Variants in RBFOX3 observed in about 807,000 individuals in gnomAD.
The protein encoded by RBFOX3 is RNA binding fox-1 homolog 3.
Under a neutral mutation model 48.7 loss-of-function variants are expected in RBFOX3, and 17 were observed. The observed-to-expected ratio is 0.35, with a 90% CI of 0.24 to 0.52. The LOEUF is 0.52. RBFOX3 is among the 20% of genes least tolerant of loss of function. RBFOX3 has a pLI of 0.94. For synonymous variants in RBFOX3, 212 were observed against 209.5 expected (o/e 1.01, Z -0.10); for missense variants, 382 against 497.5 (o/e 0.77, Z 2.21).
At chr17:79,097,920 C>A (rs1333917960) in intron 9 of RBFOX3, 175 bp from the exon 10 acceptor site, 3 of 648,854 alleles carry the variant, frequency 4.6e-6, no homozygotes, top group East Asian at 2.8e-5. Context: ...GTTCAAAACA[C>A]CAGGGTCTAC....
In RBFOX3 at chr17:79,525,909, G is replaced by A. The variant is rs1489383283; in HGVS notation, c.-319-43311C>T. ...GACCTACAGCCTGCGAGGAAAGCCC[G>A]AGAAAAGTGGCTGGATTCAGTAGGA... On this transcript the variant is annotated intron_variant, in intron 1 of 14. Coordinates refer to ENST00000693108, the MANE Select transcript of RBFOX3 (RefSeq NM_001350451.2). 3.9e-5 allele frequency among the ~76,000 whole-genome samples: 6 copies of A among 152,310 alleles called. No individual in the cohort carries two copies. The South Asian group carries it at 1.0e-3, about 26-fold the overall frequency.
At chr17:79,340,852 A>T (rs1430405580) in intron 2 of RBFOX3, among the ~76,000 whole-genome samples, 1 of 152,204 alleles carries the variant, frequency 6.6e-6, no homozygotes, top group African/African-American at 2.4e-5. Context: ...GTGTATTTAT[A>T]AACAACTGTG....
At chr17:79,661,663 T>C in the RBFOX3 span, among the ~76,000 whole-genome samples, 1 of 152,360 alleles carries the variant, frequency 6.6e-6, no homozygotes, top group South Asian at 2.1e-4. Context: ...TCACCTTTAG[T>C]AGATTCTGCT....
intron 4 of RBFOX3, among the ~76,000 whole-genome samples, chr17:79,221,241 C>T (rs1439288304): frequency 1.3e-5 from 2 of 152,270 alleles, no homozygotes; most frequent in African/African-American, 4.8e-5. Context: ...GGTCGGGAGC[C>T]TGCTCCACCA....
chr17:79,445,479 G>T (rs1462028754), intron 2 of RBFOX3, among the ~76,000 whole-genome samples: 1 of 152,112 alleles, frequency 6.6e-6, no homozygotes, highest in Non-Finnish European at 1.5e-5. Flanking sequence ...GACCCGCCTC[G>T]ATTTCCAGGA....
At chr17:79,365,957 C>A (rs147984654) in intron 2 of RBFOX3, among the ~76,000 whole-genome samples, 1 of 152,228 alleles carries the variant, frequency 6.6e-6, no homozygotes, top group Non-Finnish European at 1.5e-5. Flanking sequence ...CCATCAGCGT[C>A]ATGACCACGC....
chr17:79,277,592 G>A (rs898532), intron 3 of RBFOX3, among the ~76,000 whole-genome samples: 22,711 of 152,224 alleles, frequency 0.15, 1,680 homozygotes, highest in East Asian at 0.22. Context: ...TGGCCACTGC[G>A]GGCCTCTGCC....
intron 1 of RBFOX3, among the ~76,000 whole-genome samples, chr17:79,544,993 A>AAG (rs1192011665): frequency 5.2e-4 from 78 of 149,936 alleles, no homozygotes; most frequent in Middle Eastern, 3.4e-3. Flanking sequence ...AAAAAAAAAA[A>AAG]AGAGAAAGAA....
intron 3 of RBFOX3, among the ~76,000 whole-genome samples, chr17:79,237,301 C>T (rs939407641): frequency 1.3e-5 from 2 of 152,198 alleles, no homozygotes; most frequent in South Asian, 2.1e-4. Flanking sequence ...AAGGTTACTG[C>T]GGTCGTTTAG....
Position 79,418,586 on chromosome 17 carries a change from C to G in RBFOX3, c.-175+63868G>C, listed in dbSNP as rs547249070. Among the ~76,000 whole-genome samples the G allele has an allele frequency of 4.3e-4, 66 of 152,298 alleles. No homozygotes were observed. Among genetic ancestry groups the G allele is most frequent in the African/African-American group, 1.6e-3 (65 of 41,566 alleles). ...GTGGGGCCAAGTCTCAGGGCAGCAT[C>G]CCAGCTCAGGGATGCTTCTTGGCAA... On this transcript the variant is annotated intron_variant, in intron 2 of 14. Transcript: ENST00000693108. This position sits in a 1 kb window ranked among gnomAD's most constrained non-coding sequence, Gnocchi z 5.0.
chr17:79,402,945 C>G (rs949731278), intron 2 of RBFOX3, among the ~76,000 whole-genome samples: 1 of 152,150 alleles, frequency 6.6e-6, no homozygotes, highest in Non-Finnish European at 1.5e-5. Flanking sequence ...CAGGACGTGC[C>G]CGGCAAAGAG....
intron 4 of RBFOX3, among the ~76,000 whole-genome samples, chr17:79,178,622 C>A (rs769852931): frequency 6.6e-6 from 1 of 152,184 alleles, no homozygotes; most frequent in African/African-American, 2.4e-5. Flanking sequence ...CCAGAACAAA[C>A]GTCAGCTGCC....
At chr17:79,541,146 C>T (rs1555790177) in intron 1 of RBFOX3, among the ~76,000 whole-genome samples, 1 of 151,938 alleles carries the variant, frequency 6.6e-6, no homozygotes, top group Admixed American at 6.6e-5. Flanking sequence ...AAAAAGAGCC[C>T]AAGCCACAGC....
chr17:79,118,040 G>A (rs1289997624), intron 4 of RBFOX3, among the ~76,000 whole-genome samples: 5 of 152,106 alleles, frequency 3.3e-5, no homozygotes, highest in Non-Finnish European at 7.4e-5. Flanking sequence ...TAGGGTGGGT[G>A]CGCATAGCTG....
At chr17:79,287,538 G>A (rs1034201224) in intron 3 of RBFOX3, among the ~76,000 whole-genome samples, 10 of 152,156 alleles carry the variant, frequency 6.6e-5, no homozygotes, top group African/African-American at 9.7e-5. Context: ...AATCCACAAC[G>A]TGAGATTCTC....
At chr17:79,619,671 A>G in the RBFOX3 span, among the ~76,000 whole-genome samples, 7 of 152,040 alleles carry the variant, frequency 4.6e-5, no homozygotes, top group Non-Finnish European at 1.0e-4. Context: ...ACCCACTACA[A>G]AGGGCTTGTG....
At chr17:79,485,041 G>A (rs2079355918) in intron 1 of RBFOX3, among the ~76,000 whole-genome samples, 1 of 151,964 alleles carries the variant, frequency 6.6e-6, no homozygotes, top group African/African-American at 2.4e-5. Flanking sequence ...CCCAGAGCCA[G>A]GATGGAGGCA....
At chr17:79,175,568 C>T (rs545613650) in intron 4 of RBFOX3, among the ~76,000 whole-genome samples, 8 of 152,218 alleles carry the variant, frequency 5.3e-5, no homozygotes, top group Non-Finnish European at 1.0e-4. Flanking sequence ...TGTCTCCAGG[C>T]GGTCCAGGGC....
At chr17:79,571,527 C>T (rs1264404626) in intron 1 of RBFOX3, among the ~76,000 whole-genome samples, 2 of 134,800 alleles carry the variant, frequency 1.5e-5, no homozygotes, top group African/African-American at 5.4e-5. Flanking sequence ...ACCCCCCGCC[C>T]CCCCAACCAC....
Sources: allele counts gnomAD v4.1 joint callset (sites outside exome capture counted in the v4.1 genomes callset), GRCh38; gene constraint gnomAD v4.1.1; non-coding constraint Gnocchi (gnomAD v3.1); transcripts MANE v1.5; gene names NCBI Gene and HGNC (gene_info 2026-07-23, HGNC 2026-07-21).